The following CAPS2 variants were observed in gnomAD, a reference collection of about 807,000 sequenced individuals.
The protein encoded by CAPS2 is calcyphosin-2.
In CAPS2, 98 loss-of-function variants were observed where a neutral mutation model predicts 86.5. That is an observed-to-expected ratio of 1.13 (90% CI 0.96 to 1.34). The LOEUF (loss-of-function observed/expected upper bound fraction) is 1.34. CAPS2 is among the 40% of genes most tolerant of loss of function. The pLI, the probability that CAPS2 is intolerant of heterozygous loss-of-function variation, is 0.00. For synonymous variants in CAPS2, 210 were observed against 225.1 expected (o/e 0.93, Z 0.60); for missense variants, 729 against 686.8 (o/e 1.06, Z -0.69).
At chr12:75,357,856 T>C (rs1209098184) in intron 1 of CAPS2, among the ~76,000 whole-genome samples, 4 of 150,978 alleles carry the variant, frequency 2.6e-5, no homozygotes, top group African/African-American at 7.3e-5. Flanking sequence ...ACAGTAATTA[T>C]GAGAAAATTT....
At chr12:75,305,680 T>C (rs559813860) in intron 7 of CAPS2, 35 of 655,234 alleles carry the variant, frequency 5.3e-5, no homozygotes, top group Non-Finnish European at 9.9e-5. Context: ...CTGCCCAGTC[T>C]GGCCCGGCAC....
intron 5 of CAPS2, among the ~76,000 whole-genome samples, chr12:75,317,820 GTA>G (rs1565892080): frequency 1.3e-5 from 2 of 151,926 alleles, no homozygotes; most frequent in African/African-American, 2.4e-5. Context: ...ATTTGTCTGC[GTA>G]TATGTGTGTG....
intron 8 of CAPS2, among the ~76,000 whole-genome samples, chr12:75,301,237 G>C (rs1344707024): frequency 1.3e-5 from 2 of 152,196 alleles, no homozygotes; most frequent in Admixed American, 1.3e-4. Flanking sequence ...TGGCAGTAAT[G>C]TAATTAGTAA....
upstream of CAPS2, chr12:75,329,760 G>A: frequency 1.5e-6 from 2 of 1,325,552 alleles, no homozygotes; most frequent in Non-Finnish European, 2.0e-6. Context: ...CTAATTTCAA[G>A]CAAAACAGGG....
At chr12:75,338,484 ACT>A (rs1272764586) in intron 1 of CAPS2, among the ~76,000 whole-genome samples, 2 of 151,476 alleles carry the variant, frequency 1.3e-5, no homozygotes, top group Non-Finnish European at 2.9e-5. Flanking sequence ...ATTTGGTAAA[ACT>A]CTGCATCAAT....
At chr12:75,306,988 C>CA (rs2038581982) in intron 7 of CAPS2, among the ~76,000 whole-genome samples, 1 of 151,956 alleles carries the variant, frequency 6.6e-6, no homozygotes, top group African/African-American at 2.4e-5. Flanking sequence ...AAGGGTACCA[C>CA]AAGCAGAGGA....
chr12:75,363,130 G>C lies in CAPS2; in HGVS notation c.-395+27708C>G. 1 of 1,558,614 alleles carries C rather than the reference G, an allele frequency of 6.4e-7. No homozygotes were observed. The highest frequency in any genetic ancestry group is 2.1e-5 in the Admixed American group (1 of 48,554). ...AAATTTTGCAAATATGCCTCCTTACGTAAGAGGAGAATCTTGCTCTCTCTG... is the reference window on the plus strand; with the variant it reads ...AAATTTTGCAAATATGCCTCCTTACCTAAGAGGAGAATCTTGCTCTCTCTG... On this transcript the variant is annotated intron_variant, in intron 1 of 5. Transcript: ENST00000551829.
chr12:75,296,764 C>CA (rs2036965154), intron 11 of CAPS2, among the ~76,000 whole-genome samples: 1 of 151,278 alleles, frequency 6.6e-6, no homozygotes, highest in African/African-American at 2.4e-5. Context: ...AGAACACCAC[C>CA]ACCAAAAAAA....
intron 15 of CAPS2, among the ~76,000 whole-genome samples, chr12:75,283,678 G>A (rs548978574): frequency 5.9e-5 from 9 of 152,076 alleles, no homozygotes; most frequent in South Asian, 2.1e-4. Flanking sequence ...GCCAGGCATC[G>A]TGGTGCGTGC....
upstream of CAPS2, among the ~76,000 whole-genome samples, chr12:75,326,814 G>T (rs2040828856): frequency 4.6e-5 from 7 of 152,176 alleles, no homozygotes; most frequent in South Asian, 1.4e-3. Flanking sequence ...TTAAGATGGG[G>T]AGATTATCCT....
chr12:75,381,993 T>G (rs2139817488), intron 1 of CAPS2, among the ~76,000 whole-genome samples: 1 of 152,354 alleles, frequency 6.6e-6, no homozygotes, highest in African/African-American at 2.4e-5. Flanking sequence ...TCAGTTGCCC[T>G]ATTTTACATT....
intron 1 of CAPS2, among the ~76,000 whole-genome samples, chr12:75,359,639 G>A (rs529915374): frequency 6.6e-5 from 10 of 152,040 alleles, no homozygotes; most frequent in African/African-American, 2.4e-4. Flanking sequence ...TAGACAAATA[G>A]ATTAGTGAAA....
chr12:75,356,928 C>T (rs952519844), intron 1 of CAPS2, among the ~76,000 whole-genome samples: 8 of 152,014 alleles, frequency 5.3e-5, no homozygotes, highest in African/African-American at 1.9e-4. Flanking sequence ...ACAGCAGACA[C>T]GTAATCCCAA....
intron 1 of CAPS2, among the ~76,000 whole-genome samples, chr12:75,337,080 C>A (rs911813695): frequency 6.6e-6 from 1 of 151,638 alleles, no homozygotes; most frequent in African/African-American, 2.4e-5. Flanking sequence ...CACAGCATAT[C>A]AAAATTTGTG....
At chr12:75,296,823 G>C (rs986174653) in intron 11 of CAPS2, among the ~76,000 whole-genome samples, 1 of 152,192 alleles carries the variant, frequency 6.6e-6, no homozygotes, top group African/African-American at 2.4e-5. Context: ...GAAGATTGGG[G>C]GCAGGAACAA....
At chr12:75,379,338 GA>G (rs1358973857) in intron 1 of CAPS2, among the ~76,000 whole-genome samples, 2 of 152,216 alleles carry the variant, frequency 1.3e-5, no homozygotes, top group African/African-American at 4.8e-5. Flanking sequence ...GCAGAGGCTA[GA>G]AAGGCAGAGC....
At chr12:75,339,358 G>C (rs2139282454) in intron 1 of CAPS2, among the ~76,000 whole-genome samples, 1 of 152,170 alleles carries the variant, frequency 6.6e-6, no homozygotes, top group African/African-American at 2.4e-5. Context: ...AACTGATGTT[G>C]AGCTTTTTTT....
chr12:75,302,549 T>C (rs2037944174), intron 8 of CAPS2, among the ~76,000 whole-genome samples: 1 of 152,150 alleles, frequency 6.6e-6, no homozygotes. Flanking sequence ...CTGGCCTATG[T>C]TAAAACTCCT....
At chr12:75,317,116 T>C (rs899498831) in intron 5 of CAPS2, among the ~76,000 whole-genome samples, 1 of 152,202 alleles carries the variant, frequency 6.6e-6, no homozygotes, top group African/African-American at 2.4e-5. Flanking sequence ...TTGATTGCTA[T>C]ATAAAATTTT....
Sources: allele counts gnomAD v4.1 joint callset (sites outside exome capture counted in the v4.1 genomes callset), GRCh38; gene constraint gnomAD v4.1.1; transcripts MANE v1.5; gene names NCBI Gene and HGNC (gene_info 2026-07-23, HGNC 2026-07-21).